Variants in AGBL4 observed in about 807,000 individuals in gnomAD.
AGBL4 encodes AGBL carboxypeptidase 4.
In AGBL4, 58 loss-of-function variants were observed where a neutral mutation model predicts 66.4. That is an observed-to-expected ratio of 0.87 (90% CI 0.71 to 1.09). AGBL4 has a LOEUF of 1.09. AGBL4 is among the 50% of genes least tolerant of loss of function. The pLI, the probability that AGBL4 is intolerant of heterozygous loss-of-function variation, is 0.00. For missense variants in AGBL4, 579 were observed against 631.0 expected (o/e 0.92, Z 0.88); for synonymous variants, 234 against 222.9 (o/e 1.05, Z -0.44).
Position 49,245,843 on chromosome 1 carries a change from T to C in AGBL4, c.304A>G (p.Asn102Asp). 6.5e-7 allele frequency: 1 copy of C among 1,549,320 alleles called. No homozygotes were observed. The highest frequency in any genetic ancestry group is 8.7e-7 in the Non-Finnish European group (1 of 1,145,280). ...TAGAGACTCTTGGTTTTACTGAAGT[T>C]AACAATGTTGAAAATGACCCTCTGA... ...ESQRVIFNIV[N>D]FSKTKSLYRD... The change falls in exon 4 of 14, where the codon AAC (asparagine) becomes GAC (aspartate). Residue 102 changes from asparagine (N) to aspartate (D), a missense_variant. Coordinates refer to ENST00000371839, the MANE Select transcript of AGBL4 (RefSeq NM_032785.4).
chr1:49,927,004 G>C (rs960707706), intron 1 of AGBL4, among the ~76,000 whole-genome samples: 19 of 152,214 alleles, frequency 1.2e-4, no homozygotes, highest in Non-Finnish European at 2.4e-4. Context: ...TGATGTTCAA[G>C]TGCAGGAAGC....
intron 6 of AGBL4, among the ~76,000 whole-genome samples, chr1:48,673,480 C>T (rs1043738922): frequency 7.9e-5 from 12 of 152,206 alleles, no homozygotes; most frequent in African/African-American, 1.2e-4. Flanking sequence ...ATACCACTTT[C>T]AATCTCAAAT....
At chr1:49,008,410 T>C (rs1301520741) in intron 5 of AGBL4, among the ~76,000 whole-genome samples, 4 of 151,008 alleles carry the variant, frequency 2.6e-5, no homozygotes, top group Non-Finnish European at 4.4e-5. Context: ...AGACTTAGAC[T>C]CCCACACATT....
intron 4 of AGBL4, among the ~76,000 whole-genome samples, chr1:49,086,892 C>A (rs921026371): frequency 6.6e-6 from 1 of 152,060 alleles, no homozygotes; most frequent in Non-Finnish European, 1.5e-5. Flanking sequence ...AGCACCCAAA[C>A]AAAGAAATGC....
chr1:48,737,246 T>C (rs933680816), intron 6 of AGBL4, among the ~76,000 whole-genome samples: 8 of 151,842 alleles, frequency 5.3e-5, no homozygotes, highest in Non-Finnish European at 1.2e-4. Flanking sequence ...ATCGTGCCAC[T>C]GCACTCCAGT....
intron 6 of AGBL4, among the ~76,000 whole-genome samples, chr1:48,775,039 G>A (rs566000676): frequency 2.0e-5 from 3 of 152,260 alleles, no homozygotes; most frequent in East Asian, 1.9e-4. Flanking sequence ...CTATCGTCTT[G>A]GGAAATAAAT....
At chr1:49,436,866 T>C (rs1017864759) in intron 3 of AGBL4, among the ~76,000 whole-genome samples, 15 of 152,180 alleles carry the variant, frequency 9.9e-5, no homozygotes, top group African/African-American at 3.6e-4. Flanking sequence ...TTAAAAATCT[T>C]AAATTACAAT....
chr1:49,224,192 A>C (rs1649717520), intron 4 of AGBL4, among the ~76,000 whole-genome samples: 1 of 152,192 alleles, frequency 6.6e-6, no homozygotes, highest in Non-Finnish European at 1.5e-5. Flanking sequence ...TGGGAAGTCT[A>C]TTTCATAAAG....
At chr1:48,560,229 T>C (rs926432127) in intron 11 of AGBL4, among the ~76,000 whole-genome samples, 2 of 152,218 alleles carry the variant, frequency 1.3e-5, no homozygotes, top group African/African-American at 4.8e-5. Context: ...AGTTAGTGTA[T>C]GCTGGTAACT....
chr1:49,644,653 A>G (rs1259852992), intron 3 of AGBL4, among the ~76,000 whole-genome samples: 1 of 151,538 alleles, frequency 6.6e-6, no homozygotes. Context: ...GAAATAGAAA[A>G]ATCCACAATT....
intron 4 of AGBL4, among the ~76,000 whole-genome samples, chr1:49,245,365 T>C (rs1351015247): frequency 6.6e-6 from 1 of 150,508 alleles, no homozygotes; most frequent in Non-Finnish European, 1.5e-5. Context: ...CCTAAGTTAC[T>C]AAACATAATC....
At chr1:48,614,343 T>C (rs932157612) in intron 9 of AGBL4, among the ~76,000 whole-genome samples, 4 of 152,240 alleles carry the variant, frequency 2.6e-5, no homozygotes, top group African/African-American at 9.6e-5. Flanking sequence ...AGTTTTCTCA[T>C]TTGTAAAATG....
chr1:49,960,318 G>A (rs1055710614), intron 1 of AGBL4, among the ~76,000 whole-genome samples: 7 of 151,944 alleles, frequency 4.6e-5, no homozygotes, highest in South Asian at 2.1e-4. Flanking sequence ...GTCAGGAACC[G>A]AAAATTAAAC....
At chr1:49,560,401 A>G (rs1165868841) in intron 3 of AGBL4, among the ~76,000 whole-genome samples, 1 of 152,170 alleles carries the variant, frequency 6.6e-6, no homozygotes, top group Non-Finnish European at 1.5e-5. Context: ...AGTGAGCCTG[A>G]AGACAGGCTA....
intron 3 of AGBL4, among the ~76,000 whole-genome samples, chr1:49,530,308 T>C (rs1187272218): frequency 7.4e-6 from 1 of 135,156 alleles, no homozygotes; most frequent in African/African-American, 2.7e-5. Flanking sequence ...TTTATTATTA[T>C]ACTTTACGTT....
intron 5 of AGBL4, among the ~76,000 whole-genome samples, chr1:48,898,212 G>C (rs542141387): frequency 3.9e-5 from 6 of 151,938 alleles, no homozygotes; most frequent in Non-Finnish European, 8.8e-5. Flanking sequence ...ATCCCTTGTC[G>C]GATGGATAGT....
chr1:49,618,792 C>T (rs113199370), intron 3 of AGBL4, among the ~76,000 whole-genome samples: 11 of 152,134 alleles, frequency 7.2e-5, no homozygotes, highest in African/African-American at 2.7e-4. Flanking sequence ...TGGCTTCATC[C>T]CTGGGATGCA....
chr1:49,107,763 G>C (rs1645327180), intron 4 of AGBL4, among the ~76,000 whole-genome samples: 1 of 150,322 alleles, frequency 6.7e-6, no homozygotes, highest in Admixed American at 6.7e-5. Context: ...CCAAGAGAAG[G>C]GTTGAATTCC....
At chr1:49,295,518 C>A (rs780707412) in intron 3 of AGBL4, among the ~76,000 whole-genome samples, 2 of 152,130 alleles carry the variant, frequency 1.3e-5, no homozygotes, top group Admixed American at 6.5e-5. Context: ...AGATGTGAAA[C>A]AACATAGTGT....
Sources: allele counts gnomAD v4.1 joint callset (sites outside exome capture counted in the v4.1 genomes callset), GRCh38; gene constraint gnomAD v4.1.1; transcripts MANE v1.5; gene names NCBI Gene and HGNC (gene_info 2026-07-23, HGNC 2026-07-21).